ACOXL: variants seen among roughly 807,000 people sequenced by gnomAD.
The protein encoded by ACOXL is acyl-CoA oxidase like.
Under a neutral mutation model 71.9 loss-of-function variants are expected in ACOXL, and 70 were observed. That is an observed-to-expected ratio of 0.97 (90% confidence interval 0.80 to 1.19). The LOEUF is 1.19. Ranked by LOEUF, ACOXL falls within the 50% of genes most tolerant of loss-of-function variation. ACOXL has a pLI of 0.00. For synonymous variants in ACOXL, 253 were observed against 281.6 expected (o/e 0.90, Z 1.02); for missense variants, 703 against 736.3 (o/e 0.95, Z 0.52).
intron 10 of ACOXL, among the ~76,000 whole-genome samples, chr2:110,841,982 T>A (rs1436651669): frequency 6.6e-6 from 1 of 152,184 alleles, no homozygotes; most frequent in African/African-American, 2.4e-5. Flanking sequence ...TAAAGTAAGA[T>A]CCAGCTCCAG....
chr2:110,852,552 A>G (rs1692747962), intron 10 of ACOXL, among the ~76,000 whole-genome samples: 1 of 152,178 alleles, frequency 6.6e-6, no homozygotes, highest in African/African-American at 2.4e-5. Flanking sequence ...TTTATAGGCA[A>G]TTTTTGCTGT....
chr2:111,071,946 T>G (rs2067362109), intron 16 of ACOXL, among the ~76,000 whole-genome samples: 1 of 152,126 alleles, frequency 6.6e-6, no homozygotes, highest in Non-Finnish European at 1.5e-5. Context: ...AGGGAGAAAG[T>G]CACATGGCCT....
At chr2:110,747,494 C>T (rs1417801320) in intron 1 of ACOXL, among the ~76,000 whole-genome samples, 1 of 152,188 alleles carries the variant, frequency 6.6e-6, no homozygotes, top group Non-Finnish European at 1.5e-5. Context: ...TCTCAGCTAG[C>T]CTCTCGTGTG....
chr2:111,030,063 T>G lies in ACOXL; in HGVS notation c.1282-1564T>G, dbSNP rs111853164. Among the ~76,000 whole-genome samples the G allele has an allele frequency of 9.5e-4, 145 of 152,198 alleles. 1 individual carries two copies. The highest frequency in any genetic ancestry group is 3.3e-3 in the African/African-American group (139 of 41,546). ...ATTGAGTTTAAAAAAAAAAAGCAAT[T>G]AAAAAGTGCCCTTGATTCTATTTGG... On this transcript the variant is annotated intron_variant, in intron 14 of 17. Coordinates refer to ENST00000439055, the MANE Select transcript of ACOXL (RefSeq NM_001142807.4).
chr2:111,013,713 T>G (rs977595539), intron 14 of ACOXL, among the ~76,000 whole-genome samples: 3 of 152,160 alleles, frequency 2.0e-5, no homozygotes, highest in Non-Finnish European at 4.4e-5. Flanking sequence ...CAGGTCCAGA[T>G]GGTTTTACTG....
At chr2:110,855,152 T>G (rs1693083051) in intron 10 of ACOXL, among the ~76,000 whole-genome samples, 1 of 152,250 alleles carries the variant, frequency 6.6e-6, no homozygotes, top group Admixed American at 6.5e-5. Context: ...ACATCTTTTT[T>G]GTATACCTGA....
chr2:111,104,960 A>G (rs1316663518), intron 17 of ACOXL, among the ~76,000 whole-genome samples: 1 of 151,944 alleles, frequency 6.6e-6, no homozygotes, highest in African/African-American at 2.4e-5. Context: ...ATACTTTTAC[A>G]TTTTTCATTG....
At chr2:110,896,172 G>A (rs2059000749) in intron 10 of ACOXL, among the ~76,000 whole-genome samples, 1 of 152,040 alleles carries the variant, frequency 6.6e-6, no homozygotes, top group Non-Finnish European at 1.5e-5. Flanking sequence ...CCCCAAGTAG[G>A]CTGTAATGAG....
intron 9 of ACOXL, among the ~76,000 whole-genome samples, chr2:110,836,771 A>C (rs1320785711): frequency 6.6e-6 from 1 of 152,210 alleles, no homozygotes; most frequent in Non-Finnish European, 1.5e-5. Flanking sequence ...AGCTTCCCAC[A>C]AGTATGGGAA....
At chr2:111,060,067 A>T in intron 16 of ACOXL, among the ~76,000 whole-genome samples, 1 of 152,214 alleles carries the variant, frequency 6.6e-6, no homozygotes, top group African/African-American at 2.4e-5. Flanking sequence ...CACTCACGAG[A>T]CTACAATGAG....
At chr2:110,894,695 A>G (rs1376333962) in intron 10 of ACOXL, among the ~76,000 whole-genome samples, 1 of 152,002 alleles carries the variant, frequency 6.6e-6, no homozygotes, top group African/African-American at 2.4e-5. Context: ...AACTCCTGCC[A>G]CCTCCTGCAG....
chr2:111,035,674 T>TA (rs2065477458), intron 15 of ACOXL, among the ~76,000 whole-genome samples: 1 of 152,250 alleles, frequency 6.6e-6, no homozygotes, highest in Non-Finnish European at 1.5e-5. Flanking sequence ...TTAGAATATA[T>TA]AATAATGTGG....
At chr2:111,000,835 G>T (rs910567806) in intron 14 of ACOXL, among the ~76,000 whole-genome samples, 1 of 152,138 alleles carries the variant, frequency 6.6e-6, no homozygotes, top group Admixed American at 6.5e-5. Flanking sequence ...GATTAGCTCT[G>T]CAAAGACCCT....
chr2:110,990,994 T>C (rs1446087551), intron 13 of ACOXL, among the ~76,000 whole-genome samples: 1 of 152,200 alleles, frequency 6.6e-6, no homozygotes, highest in African/African-American at 2.4e-5. Flanking sequence ...ACATCTCTCA[T>C]AGAGTTATTT....
chr2:110,802,978 A>G (rs1239119518), intron 8 of ACOXL, among the ~76,000 whole-genome samples: 1 of 152,222 alleles, frequency 6.6e-6, no homozygotes, highest in Non-Finnish European at 1.5e-5. Flanking sequence ...AAAACATCAC[A>G]CTGTATTCCA....
chr2:110,925,471 A>G (rs547003194), intron 11 of ACOXL, among the ~76,000 whole-genome samples: 14 of 152,386 alleles, frequency 9.2e-5, no homozygotes, highest in Middle Eastern at 3.4e-3. Context: ...ATCACCTTGC[A>G]TTTCTATGCT....
At chr2:110,837,620 T>A (rs891240799) in intron 9 of ACOXL, among the ~76,000 whole-genome samples, 3 of 152,002 alleles carry the variant, frequency 2.0e-5, no homozygotes, top group African/African-American at 7.2e-5. Context: ...CTGAGCTCGC[T>A]GGGTCATATG....
intron 10 of ACOXL, among the ~76,000 whole-genome samples, chr2:110,880,547 ACATGTGTAT>A (rs1215435027): frequency 6.6e-6 from 1 of 152,194 alleles, no homozygotes; most frequent in Admixed American, 6.5e-5. Flanking sequence ...GTGACTTTGT[ACATGTGTAT>A]CTGTGTCCAT....
chr2:110,809,493 T>G (rs1687058148), intron 9 of ACOXL, among the ~76,000 whole-genome samples: 1 of 152,148 alleles, frequency 6.6e-6, no homozygotes, highest in South Asian at 2.1e-4. Flanking sequence ...GTGCCACATA[T>G]GAGATGGGGG....
Sources: gnomAD v4.1 joint callset for allele counts (sites outside exome capture counted in the v4.1 genomes callset) on GRCh38, gnomAD v4.1.1 for gene constraint, MANE v1.5 for transcripts, NCBI Gene and HGNC (gene_info 2026-07-23, HGNC 2026-07-21) for gene names.